Variants in VAV2 observed in about 807,000 individuals in gnomAD.
The protein encoded by VAV2 is vav guanine nucleotide exchange factor 2, also known as guanine nucleotide exchange factor VAV2.
In VAV2, 67 loss-of-function variants were observed where a neutral mutation model predicts 132.5. That is an observed-to-expected ratio of 0.51 (90% CI 0.42 to 0.62). The LOEUF (loss-of-function observed/expected upper bound fraction) is 0.62, where lower values mean the gene tolerates loss of function less well. Among genes scored for constraint, VAV2 ranks in the 20% least tolerant of loss-of-function variants. The pLI is 0.00. For synonymous variants in VAV2, 492 were observed against 443.5 expected (o/e 1.11, Z -1.37); for missense variants, 938 against 1,153.6 (o/e 0.81, Z 2.71).
rs56019925 is a variant in VAV2 at position 133,788,314 on chromosome 9, C to G, written c.1407+40G>C. On this transcript the variant is annotated intron_variant, in intron 15 of 29. Coordinates refer to ENST00000371850, the MANE Select transcript of VAV2 (RefSeq NM_001134398.2). The surrounding 1 kb of genome is among the most constrained non-coding windows in gnomAD (Gnocchi z 5.3). Reference sequence around the variant, plus strand: ...CCCAGTGCCTCTCTCCAGGCCACCCCCACGTTCCTGGGTAGCAGGGGGGAC... The same window carrying G: ...CCCAGTGCCTCTCTCCAGGCCACCCGCACGTTCCTGGGTAGCAGGGGGGAC... 1.3e-6 allele frequency: 2 copies of G among 1,585,652 alleles called. No homozygotes were observed. The highest frequency in any genetic ancestry group is 1.3e-5 in the African/African-American group (1 of 74,566).
intron 2 of VAV2, among the ~76,000 whole-genome samples, chr9:133,931,306 G>A (rs901814742): frequency 6.6e-6 from 1 of 152,224 alleles, no homozygotes; most frequent in Non-Finnish European, 1.5e-5. Context: ...CAGCAGGAGG[G>A]GCTGAAGCAG....
At chr9:133,797,921 C>G in intron 9 of VAV2, 112 bp from the exon 10 acceptor site, 1 of 854,218 alleles carries the variant, frequency 1.2e-6, no homozygotes. Context: ...CCAACAGGCC[C>G]CTCCCCTGAC....
rs750489947 is a variant in VAV2, at chr9:133,779,908, G to C, written c.1762+10C>G. 6.2e-7 allele frequency: 1 copy of C among 1,611,634 alleles called. No individual in the cohort carries two copies. The highest frequency in any genetic ancestry group is 2.2e-5 in the East Asian group (1 of 44,828). ...GGTGATAGCAGAGGGCCCAGGTCCA[G>C]AAGACTCACCTGGTCCCGCTCCGGA... On this transcript the variant is annotated intron_variant, in intron 21 of 29. Coordinates refer to ENST00000371850, the MANE Select transcript of VAV2 (RefSeq NM_001134398.2).
intron 16 of VAV2, among the ~76,000 whole-genome samples, chr9:133,786,887 G>T (rs565903321): frequency 2.0e-5 from 3 of 152,142 alleles, no homozygotes; most frequent in Non-Finnish European, 4.4e-5. Flanking sequence ...GATGGGAGGA[G>T]GAAAGAAACA....
intron 2 of VAV2, among the ~76,000 whole-genome samples, chr9:133,927,359 C>T (rs1840516681): frequency 6.6e-6 from 1 of 152,200 alleles, no homozygotes; most frequent in East Asian, 1.9e-4. Flanking sequence ...TTCAATTAGG[C>T]TCCTACCTCC....
chr9:133,849,205 C>T (rs949688065), intron 3 of VAV2, among the ~76,000 whole-genome samples: 12 of 152,194 alleles, frequency 7.9e-5, no homozygotes, highest in African/African-American at 2.4e-4. Context: ...CCGCCCCGAA[C>T]GCACCATGCT....
At chr9:133,910,021 G>C (rs643413) in intron 2 of VAV2, among the ~76,000 whole-genome samples, 63,071 of 152,042 alleles carry the variant, frequency 0.41, 13,473 homozygotes, top group East Asian at 0.69. Flanking sequence ...AGCTATGCCA[G>C]GCCATGTGAC....
chr9:133,785,713 G>T, intron 17 of VAV2, 63 bp downstream of exon 17: 1 of 1,506,000 alleles, frequency 6.6e-7, no homozygotes, highest in South Asian at 1.2e-5. Flanking sequence ...CAATCCACCT[G>T]GGCTTCCACC....
chr9:133,952,633 G>A lies in VAV2; in HGVS notation c.205-13414C>T, dbSNP rs76282003. On this transcript the variant is annotated intron_variant, in intron 1 of 29. Transcript: ENST00000371850. ...AAAAAAAAACAAACCTGAGGCTCTC[G>A]AGATAAGATAATCCCAGATTACCCA... 8.8e-3 allele frequency among the ~76,000 whole-genome samples: 1,332 copies of A among 151,482 alleles called. 13 individuals are homozygous for A. The highest frequency in any genetic ancestry group is 0.031 in the African/African-American group (1,278 of 41,316).
chr9:133,874,009 A>AC (rs113460448), intron 2 of VAV2, among the ~76,000 whole-genome samples: 2 of 150,954 alleles, frequency 1.3e-5, no homozygotes, highest in East Asian at 2.0e-4. Flanking sequence ...TTCCCTCAAA[A>AC]CCCCCCACGA....
intron 2 of VAV2, among the ~76,000 whole-genome samples, chr9:133,933,886 A>ATGGATGGG (rs1554812088): frequency 4.4e-4 from 51 of 116,386 alleles, no homozygotes; most frequent in African/African-American, 1.4e-3. Context: ...TGGATGAATG[A>ATGGATGGG]TGGATGGATG....
At position 133,907,906 on chromosome 9, in the gene VAV2, G is replaced by A. The variant is rs1211232342; in HGVS notation, c.321+31197C>T. On this transcript the variant is annotated intron_variant, in intron 2 of 29. Coordinates refer to ENST00000371850, the MANE Select transcript of VAV2 (RefSeq NM_001134398.2). Reference sequence around the variant, plus strand: ...CCCCAGAGAGTGGAGGGAGGGCCTGGGGCACCCCTCCCACCATGCCCCCCT... The same window carrying A: ...CCCCAGAGAGTGGAGGGAGGGCCTGAGGCACCCCTCCCACCATGCCCCCCT... Among the ~76,000 whole-genome samples the A allele has an allele frequency of 5.7e-3, 743 of 130,130 alleles. 12 individuals carry two copies. Among genetic ancestry groups the A allele is most frequent in the African/African-American group, 0.02 (687 of 33,806 alleles). 85.4% of individuals were successfully genotyped at this position (130,130 alleles called of 152,430 possible). A position where few individuals can be genotyped will look rare whatever the true frequency, so the allele number is the denominator to read the frequency against.
chr9:133,861,448 A>G lies in VAV2; in HGVS notation c.322-16T>C. 1 of 1,612,292 alleles carries G rather than the reference A, an allele frequency of 6.2e-7. No homozygotes were observed. The highest frequency in any genetic ancestry group is 8.5e-7 in the Non-Finnish European group (1 of 1,179,456). ...CGGAGATGACCTGGGGGAGACAAGA[A>G]GAGACGCTCCTGTAATTTCACAAGA... On this transcript the variant is annotated splice_polypyrimidine_tract_variant and intron_variant, in intron 2 of 29. Transcript: ENST00000371850.
intron 2 of VAV2, among the ~76,000 whole-genome samples, chr9:133,929,870 G>A (rs562143): frequency 6.6e-6 from 1 of 152,080 alleles, no homozygotes; most frequent in Non-Finnish European, 1.5e-5. Context: ...GGTTTCCTCA[G>A]CTGTGACGGA....
intron 2 of VAV2, among the ~76,000 whole-genome samples, chr9:133,908,845 C>A (rs1163875796): frequency 2.6e-5 from 4 of 152,228 alleles, no homozygotes; most frequent in African/African-American, 7.2e-5. Context: ...GCAGCCCCTG[C>A]AGTTCTGAAA....
At chr9:133,841,261 G>C (rs1300732205) in intron 3 of VAV2, among the ~76,000 whole-genome samples, 1 of 151,914 alleles carries the variant, frequency 6.6e-6, no homozygotes, top group African/African-American at 2.4e-5. Context: ...CAGCTACAGG[G>C]AGAGAAGGCT....
At chr9:133,851,908 G>GAT (rs1837196425) in intron 3 of VAV2, among the ~76,000 whole-genome samples, 2 of 144,292 alleles carry the variant, frequency 1.4e-5, no homozygotes, top group African/African-American at 5.7e-5. Context: ...TGGATGGATG[G>GAT]GTGGATGGAT....
At chr9:133,958,688 C>G (rs190712129) in intron 1 of VAV2, among the ~76,000 whole-genome samples, 1 of 152,194 alleles carries the variant, frequency 6.6e-6, no homozygotes, top group Non-Finnish European at 1.5e-5. Flanking sequence ...CCAAGTCTCT[C>G]GTTCCACCTT....
rs781431537 is a variant in VAV2 at position 133,768,473 on chromosome 9, T to A, written c.2558A>T (p.Gln853Leu). 23 of 1,613,698 alleles carry A rather than the reference T, an allele frequency of 1.4e-5. No homozygotes were observed. Among genetic ancestry groups the A allele is most frequent in the Admixed American group, 1.0e-4 (6 of 59,998 alleles). The change falls in exon 29 of 30, where the codon CAG (glutamine) becomes CTG (leucine). Residue 853 changes from glutamine to leucine, a missense_variant. By Grantham distance (113) the Gln-to-Leu change is moderately radical. Coordinates refer to ENST00000371850, the MANE Select transcript of VAV2 (RefSeq NM_001134398.2). This position sits in a 1 kb window ranked among gnomAD's most constrained non-coding sequence, Gnocchi z 5.3. ...VRIYSRIGGD[Q>L]GWWKGETNGR... ...GTTGGTCTCGCCCTTCCACCAGCCC[T>A]GGTCTCCGCCGATGCGGCTGTAGAT...
Sources: gnomAD v4.1 joint callset for allele counts (sites outside exome capture counted in the v4.1 genomes callset) on GRCh38, gnomAD v4.1.1 for gene constraint, Gnocchi (gnomAD v3.1) non-coding constraint, MANE v1.5 for transcripts, NCBI Gene and HGNC (gene_info 2026-07-23, HGNC 2026-07-21) for gene names.